KCNB2: variants seen among roughly 807,000 people sequenced by gnomAD.
KCNB2 encodes delayed rectifier potassium channel protein.
KCNB2 carries 15 observed loss-of-function variants against 61.5 expected under a neutral mutation model. That is an observed-to-expected ratio of 0.24 (90% confidence interval 0.16 to 0.38). The LOEUF is 0.38. Ranked by LOEUF, KCNB2 falls within the 10% of genes least tolerant of loss-of-function variation. KCNB2 has a pLI of 1.00. For missense variants in KCNB2, 828 were observed against 1,125.2 expected (o/e 0.74, Z 3.78); for synonymous variants, 457 against 446.0 (o/e 1.02, Z -0.31).
chr8:72,628,200 C>T (rs567088182), intron 2 of KCNB2, among the ~76,000 whole-genome samples: 6 of 152,224 alleles, frequency 3.9e-5, no homozygotes, highest in South Asian at 2.1e-4. Context: ...GTCATCTGCC[C>T]GCCTTGACCA....
At chr8:72,706,630 T>A (rs1032253219) in intron 2 of KCNB2, among the ~76,000 whole-genome samples, 4 of 152,226 alleles carry the variant, frequency 2.6e-5, no homozygotes, top group African/African-American at 9.6e-5. Context: ...TGCACACTGC[T>A]GTGCTGAACA....
chr8:72,754,851 G>A (rs777994783), intron 2 of KCNB2, among the ~76,000 whole-genome samples: 6 of 152,132 alleles, frequency 3.9e-5, no homozygotes, highest in Non-Finnish European at 8.8e-5. Context: ...CCGCCCTCAA[G>A]GAGAGGGAGC....
chr8:72,632,509 T>C (rs1406151457), intron 2 of KCNB2, among the ~76,000 whole-genome samples: 1 of 152,124 alleles, frequency 6.6e-6, no homozygotes, highest in Non-Finnish European at 1.5e-5. Flanking sequence ...GGATGCTAAT[T>C]TTGTTAACTA....
At chr8:72,734,248 A>T (rs1240393318) in intron 2 of KCNB2, among the ~76,000 whole-genome samples, 1 of 152,206 alleles carries the variant, frequency 6.6e-6, no homozygotes, top group African/African-American at 2.4e-5. Context: ...CAACCTGTAC[A>T]GGCAGCTTTG....
intron 2 of KCNB2, among the ~76,000 whole-genome samples, chr8:72,607,275 G>A (rs1319518632): frequency 6.6e-6 from 1 of 152,090 alleles, no homozygotes; most frequent in Non-Finnish European, 1.5e-5. Flanking sequence ...TGGGGCCAGT[G>A]GAGAGGCACA....
In KCNB2 at chr8:72,936,318, G is replaced by C; in HGVS notation, c.963G>C (p.Leu321=). The C allele has an allele frequency of 6.2e-7, 1 of 1,614,246 alleles. No individual in the cohort carries two copies. Among genetic ancestry groups the C allele is most frequent in the Non-Finnish European group, 8.5e-7 (1 of 1,180,044 alleles). Residue 321 remains leucine, a synonymous_variant, in exon 3 of 3, where the codon CTG becomes CTC. Coordinates refer to ENST00000523207, the MANE Select transcript of KCNB2 (RefSeq NM_004770.3). The surrounding 1 kb of genome is among the most constrained non-coding windows in gnomAD (Gnocchi z 5.6). Reference sequence around the variant, plus strand: ...AACTCGCCAGGCATTCGACAGGCCTGCAGTCTCTGGGTTTCACCCTTAGGC... The same window carrying C: ...AACTCGCCAGGCATTCGACAGGCCTCCAGTCTCTGGGTTTCACCCTTAGGC... ...ILKLARHSTG[L]QSLGFTLRRS...
At chr8:72,836,687 G>C (rs994785021) in intron 2 of KCNB2, among the ~76,000 whole-genome samples, 1 of 152,210 alleles carries the variant, frequency 6.6e-6, no homozygotes, top group African/African-American at 2.4e-5. Context: ...GAAGCAGGTG[G>C]ATTGCCTGAG....
intron 2 of KCNB2, among the ~76,000 whole-genome samples, chr8:72,774,284 G>A (rs1808610864): frequency 6.6e-6 from 1 of 152,072 alleles, no homozygotes; most frequent in South Asian, 2.1e-4. Context: ...ATGAACCAAA[G>A]GAGAATATTT....
At chr8:72,687,523 G>A (rs1302704832) in intron 2 of KCNB2, among the ~76,000 whole-genome samples, 1 of 152,164 alleles carries the variant, frequency 6.6e-6, no homozygotes, top group Non-Finnish European at 1.5e-5. Flanking sequence ...TCTCAGTGGG[G>A]AGGGGTCACA....
At chr8:72,768,877 A>G (rs2128997022) in intron 2 of KCNB2, among the ~76,000 whole-genome samples, 2 of 152,218 alleles carry the variant, frequency 1.3e-5, no homozygotes, top group East Asian at 3.9e-4. Context: ...ATTAAGTGAC[A>G]TGGCCTGGCA....
chr8:72,725,067 T>C (rs944305209), intron 2 of KCNB2, among the ~76,000 whole-genome samples: 1 of 151,794 alleles, frequency 6.6e-6, no homozygotes, highest in Non-Finnish European at 1.5e-5. Context: ...TCACTCCCCT[T>C]CTCCATTTAA....
chr8:72,937,185 C>T lies in KCNB2; in HGVS notation c.1830C>T (p.Ala610=), dbSNP rs542817182. The part of the protein sequence containing the change: ...TSSIDSFTSC[A]TDFTETERSP... ...GCATCGACAGCTTCACCAGCTGTGC[C>T]ACCGACTTCACAGAGACAGAGAGAT... Residue 610 remains alanine, a synonymous_variant, in exon 3 of 3, where the codon GCC becomes GCT. Coordinates refer to ENST00000523207, the MANE Select transcript of KCNB2 (RefSeq NM_004770.3). 14 of 1,614,134 alleles carry T rather than the reference C, an allele frequency of 8.7e-6. No individual in the cohort carries two copies. The Admixed American group carries it at 2.0e-4, about 23-fold the overall frequency.
At chr8:72,868,595 A>C (rs867854494) in intron 2 of KCNB2, among the ~76,000 whole-genome samples, 2 of 151,900 alleles carry the variant, frequency 1.3e-5, no homozygotes, top group Non-Finnish European at 2.9e-5. Flanking sequence ...AACAAACAAA[A>C]AAAACCCCAA....
intron 2 of KCNB2, among the ~76,000 whole-genome samples, chr8:72,766,557 G>A (rs1482583384): frequency 6.6e-6 from 1 of 152,126 alleles, no homozygotes; most frequent in Non-Finnish European, 1.5e-5. Context: ...AGTTTCACCA[G>A]GGAACACTTT....
At position 72,725,612 on chromosome 8, in the gene KCNB2, T is replaced by TAC. The variant is rs1807637144; in HGVS notation, c.579+157300_579+157301insCA. ...GTATGTATATATATATATATATATATATATATATATGCATTCTTCTGAAAT... is the reference window on the plus strand; with the variant it reads ...GTATGTATATATATATATATATATATACATATATATATGCATTCTTCTGAAAT... On this transcript the variant is annotated intron_variant, in intron 2 of 2. Transcript: ENST00000523207. Among the ~76,000 whole-genome samples, 28 of 142,860 alleles carry TAC rather than the reference T, an allele frequency of 2.0e-4. No homozygotes were observed. In the South Asian group the frequency reaches 3.1e-3, roughly 16 times the overall value. The allele number at this position is 142,860 out of a possible 152,430, so 93.7% of individuals were successfully genotyped here.
At chr8:72,606,019 T>C (rs560245613) in intron 2 of KCNB2, among the ~76,000 whole-genome samples, 1 of 152,312 alleles carries the variant, frequency 6.6e-6, no homozygotes, top group South Asian at 2.1e-4. Flanking sequence ...AGTTGTACAC[T>C]GGCAAAGATT....
chr8:72,555,150 A>T (rs1432154371), intron 1 of KCNB2, among the ~76,000 whole-genome samples: 2 of 152,054 alleles, frequency 1.3e-5, no homozygotes, highest in Non-Finnish European at 1.5e-5. Flanking sequence ...CAAGAAACTT[A>T]CCTTTCTGAG....
intron 2 of KCNB2, among the ~76,000 whole-genome samples, chr8:72,709,806 G>A (rs1163620580): frequency 2.0e-5 from 3 of 152,066 alleles, no homozygotes; most frequent in Admixed American, 6.5e-5. Context: ...GATTCTTGCA[G>A]TCTCCAAGCT....
At chr8:72,844,433 G>A (rs978800635) in intron 2 of KCNB2, among the ~76,000 whole-genome samples, 26 of 152,040 alleles carry the variant, frequency 1.7e-4, no homozygotes, top group African/African-American at 4.8e-4. Flanking sequence ...TTCTCTTCTC[G>A]AGGAGTATCT....
Sources: allele counts gnomAD v4.1 joint callset (sites outside exome capture counted in the v4.1 genomes callset), GRCh38; gene constraint gnomAD v4.1.1; non-coding constraint Gnocchi (gnomAD v3.1); transcripts MANE v1.5; gene names NCBI Gene and HGNC (gene_info 2026-07-23, HGNC 2026-07-21).